FBXO48: variants seen among roughly 807,000 people sequenced by gnomAD.
The protein encoded by FBXO48 is F-box only protein 48.
Under a neutral mutation model 14.3 loss-of-function variants are expected in FBXO48, and 12 were observed. The ratio of observed to expected loss-of-function variants is 0.84; its 90% CI spans 0.54 to 1.36. The LOEUF is 1.36. Among genes scored for constraint, FBXO48 ranks in the 40% most tolerant of loss-of-function variants. FBXO48 has a pLI of 0.00. For synonymous variants in FBXO48, 53 were observed against 61.7 expected, an observed-to-expected ratio of 0.86 and a Z score of 0.66; for missense variants, 177 against 179.1, an observed-to-expected ratio of 0.99 and a Z score of 0.07.
rs1675261433 is a variant in FBXO48, at chr2:68,461,397, CG to C, written c.*2811del. The C allele has an allele frequency of 6.7e-6, 1 of 148,348 alleles. No individual in the cohort carries two copies. Among genetic ancestry groups the C allele is most frequent in the Admixed American group, 6.6e-5 (1 of 15,040 alleles). The allele number at this position is 148,348 out of a possible 1,614,324, so 9.2% of individuals were successfully genotyped here. A position where few individuals can be genotyped will look rare whatever the true frequency, so the allele number is the denominator to read the frequency against. ...CTGCAAGCTCCGCCTCCCGGGTTCA[CG>C]CCATTCTCCTGCCTCAGCCTCCCGA... On this transcript the variant is annotated 3_prime_UTR_variant, in exon 4 of 4. Coordinates refer to ENST00000377957, the MANE Select transcript of FBXO48 (RefSeq NM_001024680.3).
Sources: allele counts gnomAD v4.1 joint callset, GRCh38; gene constraint gnomAD v4.1.1; transcripts MANE v1.5; gene names NCBI Gene and HGNC (gene_info 2026-07-23, HGNC 2026-07-21).